ZNF148: variants seen among roughly 807,000 people sequenced by gnomAD.
ZNF148 encodes Beta-Enolase Repressor Factor-1.
ZNF148 carries 7 observed loss-of-function variants against 67.7 expected under a neutral mutation model. The ratio of observed to expected loss-of-function variants is 0.10; its 90% confidence interval spans 0.06 to 0.19. The LOEUF is 0.19. ZNF148 is among the 10% of genes least tolerant of loss of function. ZNF148 has a pLI of 1.00. For synonymous variants in ZNF148, 333 were observed against 330.7 expected, an observed-to-expected ratio of 1.01 and a Z score of -0.08; for missense variants, 583 against 947.1, an observed-to-expected ratio of 0.62 and a Z score of 5.05.
At chr3:125,239,100 A>G (rs1210934393) in intron 7 of ZNF148, among the ~76,000 whole-genome samples, 1 of 152,212 alleles carries the variant, frequency 6.6e-6, no homozygotes, top group Non-Finnish European at 1.5e-5. Context: ...ATCAGGACTG[A>G]AGAAGAGGGG....
rs180850639 is a variant in ZNF148 at position 125,333,019 on chromosome 3, A to G, written c.-233-1781T>C. ...TAGACAGGGAAAAAAATGTCTTCAC[A>G]TTATGCATTTTAACATTGTGAGTCT... On this transcript the variant is annotated intron_variant, in intron 1 of 8. Transcript: ENST00000360647. Among the ~76,000 whole-genome samples the G allele has an allele frequency of 6.0e-4, 91 of 151,592 alleles. No individual in the cohort carries two copies. In the East Asian group the frequency reaches 0.019, roughly 31 times the overall value.
Position 125,313,608 on chromosome 3 carries a change from A to C in ZNF148, c.33T>G (p.Phe11Leu). MNIDDKLEGL[F>L]LKCGGIDEMQ... ...TTTCGTCTATGCCGCCACATTTAAG[A>C]AACAATCCTTCCAGTTTGTCGTCAA... Residue 11 changes from phenylalanine (F) to leucine (L), a missense_variant, in exon 4 of 9, where the codon TTT (phenylalanine) becomes TTG (leucine). Physicochemically the swap from Phe to Leu is conservative, Grantham distance 22. This residue lies in a region of ZNF148 where 150 missense variants were observed against 202.5 expected (regional missense o/e 0.74). Transcript: ENST00000360647. 6.2e-7 allele frequency: 1 copy of C among 1,613,654 alleles called. No individual in the cohort carries two copies. The highest frequency in any genetic ancestry group is 1.1e-5 in the South Asian group (1 of 91,068).
intron 1 of ZNF148, among the ~76,000 whole-genome samples, chr3:125,371,513 G>C (rs1030778061): frequency 2.6e-5 from 4 of 151,082 alleles, no homozygotes; most frequent in Admixed American, 6.6e-5. Context: ...AAAAAAATTA[G>C]CCAGGTGTGG....
intron 1 of ZNF148, among the ~76,000 whole-genome samples, chr3:125,341,174 G>GA (rs1238127807): frequency 5.1e-4 from 68 of 132,292 alleles, no homozygotes; most frequent in Non-Finnish European, 7.5e-4. Context: ...TGCAACAAGT[G>GA]AAAAAAAAAA....
At chr3:125,299,469 A>G (rs910630334) in intron 4 of ZNF148, among the ~76,000 whole-genome samples, 3 of 152,240 alleles carry the variant, frequency 2.0e-5, no homozygotes, top group Non-Finnish European at 4.4e-5. Flanking sequence ...GTTCAAGGCC[A>G]GCCTGGGCAA....
intron 4 of ZNF148, among the ~76,000 whole-genome samples, chr3:125,308,624 C>T (rs375632517): frequency 6.7e-6 from 1 of 148,674 alleles, no homozygotes; most frequent in African/African-American, 2.5e-5. Flanking sequence ...AAAAGAACAA[C>T]AAAATTGGAG....
chr3:125,244,566 C>T (rs1486214459), intron 7 of ZNF148, among the ~76,000 whole-genome samples: 2 of 151,874 alleles, frequency 1.3e-5, no homozygotes, highest in South Asian at 2.1e-4. Context: ...GGTGCCATCT[C>T]GGCTCACTGC....
intron 7 of ZNF148, among the ~76,000 whole-genome samples, chr3:125,253,483 T>C (rs1158416228): frequency 1.3e-5 from 2 of 152,264 alleles, no homozygotes; most frequent in East Asian, 3.9e-4. Flanking sequence ...TCCAATACCA[T>C]GTTGAACAGA....
At chr3:125,258,237 A>G (rs1218144146) in intron 7 of ZNF148, among the ~76,000 whole-genome samples, 2 of 151,948 alleles carry the variant, frequency 1.3e-5, no homozygotes, top group Non-Finnish European at 2.9e-5. Flanking sequence ...CCTGGCTAAC[A>G]CGGTGAAACC....
chr3:125,252,730 T>G (rs1469547228), intron 7 of ZNF148, among the ~76,000 whole-genome samples: 1 of 142,802 alleles, frequency 7.0e-6, no homozygotes, highest in Non-Finnish European at 1.5e-5. Flanking sequence ...ATTGTGCCCC[T>G]GCACTCCAGC....
At chr3:125,263,188 A>G (rs1255247367) in intron 7 of ZNF148, among the ~76,000 whole-genome samples, 8 of 152,374 alleles carry the variant, frequency 5.3e-5, no homozygotes, top group Admixed American at 1.3e-4. Context: ...ACAGAGATGA[A>G]TTCTTTAGTC....
chr3:125,241,787 G>C (rs1358545557), intron 7 of ZNF148, among the ~76,000 whole-genome samples: 1 of 152,098 alleles, frequency 6.6e-6, no homozygotes, highest in Non-Finnish European at 1.5e-5. Flanking sequence ...AGAATTTCTG[G>C]ACAAATAAAA....
At chr3:125,301,708 T>C (rs1050711440) in intron 4 of ZNF148, among the ~76,000 whole-genome samples, 3 of 152,188 alleles carry the variant, frequency 2.0e-5, no homozygotes, top group African/African-American at 7.2e-5. Context: ...GACTGTTAAG[T>C]TTCTACAGTT....
intron 3 of ZNF148, 26 bp from the exon 4 acceptor site, chr3:125,313,682 A>G (rs771273107): frequency 6.4e-6 from 10 of 1,554,334 alleles, no homozygotes; most frequent in Non-Finnish European, 8.8e-6. Flanking sequence ...TGGCAACAAA[A>G]CATAGTAAAT....
At chr3:125,305,539 T>C (rs1304509054) in intron 4 of ZNF148, among the ~76,000 whole-genome samples, 1 of 151,984 alleles carries the variant, frequency 6.6e-6, no homozygotes, top group African/African-American at 2.4e-5. Flanking sequence ...TGGCCGGGCG[T>C]TGTGGCTCAC....
chr3:125,334,902 T>G (rs962460398), intron 1 of ZNF148, among the ~76,000 whole-genome samples: 1 of 152,102 alleles, frequency 6.6e-6, no homozygotes, highest in African/African-American at 2.4e-5. Context: ...TCGCAGAATC[T>G]CCAGCATACA....
chr3:125,366,350 A>G, intron 1 of ZNF148, among the ~76,000 whole-genome samples: 1 of 152,128 alleles, frequency 6.6e-6, no homozygotes, highest in South Asian at 2.1e-4. Flanking sequence ...ATCAAATACA[A>G]ACTACTTAGC....
chr3:125,373,022 T>C (rs1027836151), intron 1 of ZNF148, among the ~76,000 whole-genome samples: 15 of 152,018 alleles, frequency 9.9e-5, no homozygotes, highest in African/African-American at 3.6e-4. Flanking sequence ...AATAATGACA[T>C]ATTTAAGTGC....
rs1657434834 is a variant in ZNF148, at chr3:125,355,169, C to T, written c.-234+19933G>A. On this transcript the variant is annotated intron_variant, in intron 1 of 8. Transcript: ENST00000360647. ...AATATATACTTCATAACCTTTGACC[C>T]ATGATCATTCTAATGACAACATTGG... is the stretch of plus-strand genomic sequence containing the variant. 3.3e-5 allele frequency among the ~76,000 whole-genome samples: 5 copies of T among 152,278 alleles called. No homozygotes were observed. In the South Asian group the frequency reaches 1.0e-3, roughly 32 times the overall value.
Sources: gnomAD v4.1 joint callset for allele counts (sites outside exome capture counted in the v4.1 genomes callset) on GRCh38, gnomAD v4.1.1 for gene constraint, gnomAD v4.1.1 regional missense constraint, MANE v1.5 for transcripts, NCBI Gene and HGNC (gene_info 2026-07-23, HGNC 2026-07-21) for gene names.